The following PSD2 variants were observed in gnomAD, a reference collection of about 807,000 sequenced individuals.
PSD2 encodes PH and SEC7 domain-containing protein 2.
A neutral mutation model predicts 69.8 loss-of-function variants in PSD2; 38 were observed. The observed-to-expected ratio is 0.54, with a 90% CI of 0.42 to 0.71. The LOEUF (loss-of-function observed/expected upper bound fraction) is 0.71. PSD2 is among the 30% of genes least tolerant of loss of function. The probability of loss-of-function intolerance (pLI) is 0.00; values close to 1 mark genes in which losing one functional copy is unlikely to be tolerated. For synonymous variants in PSD2, 412 were observed against 423.0 expected (o/e 0.97, Z 0.32); for missense variants, 943 against 1,014.5 (o/e 0.93, Z 0.96).
intron 7 of PSD2, among the ~76,000 whole-genome samples, chr5:139,832,179 G>A (rs975185525): frequency 1.3e-5 from 2 of 152,152 alleles, no homozygotes; most frequent in African/African-American, 4.8e-5. Context: ...TTGATTTTGT[G>A]CTCCTGACCG....
chr5:139,813,420 AGACGGGCTGAGCCTCACGGAT>A lies in PSD2; in HGVS notation c.486_506del (p.Asp162_Asp168del). 6.2e-7 allele frequency: 1 copy of A among 1,613,944 alleles called. No homozygotes were observed. The highest frequency in any genetic ancestry group is 8.5e-7 in the Non-Finnish European group (1 of 1,179,814). On this transcript the variant is annotated inframe_deletion, in exon 3 of 15. Transcript: ENST00000274710. ...CCCAGTACAGCAGCCTCGACTCCCT[AGACGGGCTGAGCCTCACGGAT>A]GAGAGCGACAGCTGCGTCAGCTTCG...
the PSD2 span, among the ~76,000 whole-genome samples, chr5:139,755,120 T>A: frequency 6.6e-6 from 1 of 152,222 alleles, no homozygotes; most frequent in African/African-American, 2.4e-5. Context: ...TTAAGCCATC[T>A]GCCCCAGCCT....
the PSD2 span, among the ~76,000 whole-genome samples, chr5:139,789,236 T>C: frequency 2.6e-5 from 4 of 152,210 alleles, no homozygotes; most frequent in African/African-American, 4.8e-5. Context: ...AGCTGGGGAC[T>C]GAGAGGGAGT....
the PSD2 span, among the ~76,000 whole-genome samples, chr5:139,763,488 C>T: frequency 1.3e-5 from 2 of 152,350 alleles, no homozygotes; most frequent in South Asian, 2.1e-4. Flanking sequence ...CCACTCTGGA[C>T]TCAAGCCGAG....
chr5:139,837,197 T>C lies in PSD2; in HGVS notation c.1624T>C (p.Phe542Leu), dbSNP rs1581740362. The change falls in exon 11 of 15, where the codon TTC becomes CTC. Residue 542 changes from phenylalanine (F) to leucine (L), a missense_variant. Around this residue, in one of 3 missense-constraint regions of PSD2, gnomAD observed 312 missense variants for 400.7 expected, o/e 0.78. Transcript: ENST00000274710. This position sits in a 1 kb window ranked among gnomAD's most constrained non-coding sequence, Gnocchi z 5.0. ...CCGTGGGAGGCGTGGCTGGAAGAAA[T>C]TCTACGCAGTGCTCAAAGGGACCAT... is the stretch of plus-strand genomic sequence containing the variant. ...TPRGRRGWKK[F>L]YAVLKGTILY... 1.9e-6 allele frequency: 3 copies of C among 1,613,826 alleles called. No homozygotes were observed. Among genetic ancestry groups the C allele is most frequent in the African/African-American group, 1.3e-5 (1 of 74,870 alleles).
At chr5:139,774,787 G>T in the PSD2 span, among the ~76,000 whole-genome samples, 1 of 152,208 alleles carries the variant, frequency 6.6e-6, no homozygotes, top group African/African-American at 2.4e-5. Context: ...ACTGCGCCCG[G>T]CCCCGGGAAA....
Position 139,806,608 on chromosome 5 carries a change from G to A in PSD2, c.-50-2783G>A, listed in dbSNP as rs925360715. Among the ~76,000 whole-genome samples, 4 of 152,270 alleles carry A rather than the reference G, an allele frequency of 2.6e-5. No individual in the cohort carries two copies. The East Asian group carries it at 5.8e-4, about 22-fold the overall frequency. On this transcript the variant is annotated intron_variant, in intron 1 of 14. Coordinates refer to ENST00000274710, the MANE Select transcript of PSD2 (RefSeq NM_032289.4). ...CCTTAGCTCTCTCAGCTTTCATGAC[G>A]TTTAGTTTCCCACTGGCCCTGGGGG...
intron 1 of PSD2, 30 bp from the exon 2 acceptor site, chr5:139,809,361 C>T: frequency 6.6e-7 from 1 of 1,512,002 alleles, no homozygotes; most frequent in Non-Finnish European, 8.9e-7. Context: ...TCCTGTCTGA[C>T]CAGTTCTTCC....
Position 139,813,309 on chromosome 5 carries a change from G to A in PSD2, c.372G>A (p.Gly124=). The A allele has an allele frequency of 6.5e-7, 1 of 1,537,806 alleles. No individual in the cohort carries two copies. The highest frequency in any genetic ancestry group is 8.8e-7 in the Non-Finnish European group (1 of 1,137,970). Residue 124 remains glycine (G), a splice_region_variant and synonymous_variant, in exon 3 of 15, where the codon GGG becomes GGA. Transcript: ENST00000274710. ...GTGACTGGCTCCTTGCATCCCACAG[G>A]TTGGATGGTCCCGGGGAGCCAGATG... ...LYPDAEDPQL[G]LDGPGEPDVR...
the PSD2 span, among the ~76,000 whole-genome samples, chr5:139,752,650 G>T: frequency 6.6e-6 from 1 of 152,092 alleles, no homozygotes. Flanking sequence ...CATAGGTCAG[G>T]CACAGACAGG....
chr5:139,785,564 G>A, the PSD2 span, among the ~76,000 whole-genome samples: 1 of 152,090 alleles, frequency 6.6e-6, no homozygotes, highest in South Asian at 2.1e-4. Flanking sequence ...TGTGATGCTC[G>A]TCACTGTCTA....
intron 7 of PSD2, among the ~76,000 whole-genome samples, chr5:139,832,497 G>T (rs1413272460): frequency 6.6e-6 from 1 of 152,242 alleles, no homozygotes; most frequent in Non-Finnish European, 1.5e-5. Context: ...CTAATAGAGT[G>T]TCTTTGCTAA....
At chr5:139,770,585 C>A in the PSD2 span, among the ~76,000 whole-genome samples, 7 of 152,090 alleles carry the variant, frequency 4.6e-5, no homozygotes, top group South Asian at 2.1e-4. Flanking sequence ...AACAAACAAA[C>A]AAAAAAACAT....
At chr5:139,756,993 C>G in the PSD2 span, among the ~76,000 whole-genome samples, 1 of 152,212 alleles carries the variant, frequency 6.6e-6, no homozygotes, top group Non-Finnish European at 1.5e-5. Flanking sequence ...GGTTGGAACT[C>G]ATGTTTTTAC....
chr5:139,802,747 A>G (rs1225563160), intron 1 of PSD2, among the ~76,000 whole-genome samples: 2 of 152,174 alleles, frequency 1.3e-5, no homozygotes, highest in Non-Finnish European at 1.5e-5. Context: ...GGGCTCTTCA[A>G]CCAGCATGCA....
intron 1 of PSD2, among the ~76,000 whole-genome samples, chr5:139,808,292 C>T (rs560277669): frequency 6.6e-6 from 1 of 152,326 alleles, no homozygotes; most frequent in East Asian, 1.9e-4. Context: ...GAGGGGAGAG[C>T]CAGAACACAG....
chr5:139,759,548 G>C, the PSD2 span, among the ~76,000 whole-genome samples: 3 of 152,180 alleles, frequency 2.0e-5, no homozygotes, highest in African/African-American at 7.2e-5. Flanking sequence ...GGGAACAACA[G>C]CTTGAATTAC....
Position 139,809,430 on chromosome 5 carries a change from CA to C in PSD2, c.-10del, listed in dbSNP as rs1561594859. The C allele has an allele frequency of 6.2e-7, 1 of 1,608,418 alleles. No individual in the cohort carries two copies. Among genetic ancestry groups the C allele is most frequent in the Non-Finnish European group, 8.5e-7 (1 of 1,178,522 alleles). On this transcript the variant is annotated 5_prime_UTR_variant, in exon 2 of 15. Coordinates refer to ENST00000274710, the MANE Select transcript of PSD2 (RefSeq NM_032289.4). Reference sequence around the variant, plus strand: ...CAGGAGCAGCCAGGACAGGCGGAAGCAGTGGCTGCCATGGAGGAGGACAAGC... The same window carrying C: ...CAGGAGCAGCCAGGACAGGCGGAAGCGTGGCTGCCATGGAGGAGGACAAGC...
At chr5:139,838,847 C>T (rs1326664180) in intron 13 of PSD2, 75 bp downstream of exon 13, 48 of 1,500,910 alleles carry the variant, frequency 3.2e-5, no homozygotes, top group Non-Finnish European at 4.2e-5. Flanking sequence ...AGCAGCCCCA[C>T]CCCAGCTCTG....
Sources: allele counts gnomAD v4.1 joint callset (sites outside exome capture counted in the v4.1 genomes callset), GRCh38; gene constraint gnomAD v4.1.1; regional missense constraint gnomAD v4.1.1; non-coding constraint Gnocchi (gnomAD v3.1); transcripts MANE v1.5; gene names NCBI Gene and HGNC (gene_info 2026-07-23, HGNC 2026-07-21).